NOTCH1: variants seen among roughly 807,000 people sequenced by gnomAD.
NOTCH1 encodes the protein neurogenic locus notch homolog protein 1.
Under a neutral mutation model 254.8 loss-of-function variants are expected in NOTCH1, and 37 were observed. The ratio of observed to expected loss-of-function variants is 0.15; its 90% CI spans 0.11 to 0.19. NOTCH1 has a LOEUF of 0.19. Ranked by LOEUF, NOTCH1 falls within the 10% of genes least tolerant of loss-of-function variation. NOTCH1 has a pLI of 1.00. For missense variants in NOTCH1, 2,972 were observed against 3,708.6 expected (o/e 0.80, Z 5.16); for synonymous variants, 1,731 against 1,618.1 (o/e 1.07, Z -1.68).
chr9:136,518,542 C>T (rs2133370367), intron 6 of NOTCH1, 49 bp downstream of exon 6: 1 of 1,533,388 alleles, frequency 6.5e-7, no homozygotes, highest in Non-Finnish European at 8.9e-7. Context: ...ACAGCTCAGG[C>T]CTGGCCCATG....
chr9:136,529,617 A>G (rs1246092291), intron 2 of NOTCH1, among the ~76,000 whole-genome samples: 1 of 152,360 alleles, frequency 6.6e-6, no homozygotes, highest in African/African-American at 2.4e-5. Context: ...ACAAAGAGCT[A>G]TAGCAAGGAA....
intron 9 of NOTCH1, among the ~76,000 whole-genome samples, chr9:136,516,528 C>A (rs146240760): frequency 6.6e-6 from 1 of 152,234 alleles, no homozygotes; most frequent in Non-Finnish European, 1.5e-5. Flanking sequence ...AAGTCCGCCC[C>A]GGGCAGCCAT....
intron 2 of NOTCH1, among the ~76,000 whole-genome samples, chr9:136,528,375 AGGATGGGCAGGGACAGTGGGGGG>A (rs1843502129): frequency 1.7e-3 from 1 of 604 alleles, no homozygotes; most frequent in African/African-American, 6.7e-3. Context: ...TCCCAAGGCA[AGGATGGGCAGGGACAGTGGGGGG>A]GGATGGGCAG....
chr9:136,522,499 ACGCCC>A, intron 4 of NOTCH1: 3 of 299,252 alleles, frequency 1.0e-5, no homozygotes, highest in Admixed American at 9.7e-5. Flanking sequence ...CGCAGCTCCC[ACGCCC>A]TCTCCGGCCC....
intron 7 of NOTCH1, 68 bp downstream of exon 7, chr9:136,518,069 G>T: frequency 2.6e-6 from 4 of 1,551,730 alleles, no homozygotes; most frequent in South Asian, 1.2e-5. Context: ...AGCCAGAATC[G>T]ACTTCTCATC....
At chr9:136,518,426 T>C in intron 6 of NOTCH1, 134 bp from the exon 7 acceptor site, 1 of 1,289,968 alleles carries the variant, frequency 7.8e-7, no homozygotes, top group Non-Finnish European at 1.1e-6. Flanking sequence ...CCCGTGACAC[T>C]TGGGACGTTC....
In NOTCH1 at chr9:136,522,194, G is replaced by A. The variant is rs868037756; in HGVS notation, c.742+656C>T. Among the ~76,000 whole-genome samples, 19 of 152,218 alleles carry A rather than the reference G, an allele frequency of 1.2e-4. No homozygotes were observed. The Middle Eastern group carries it at 0.01, about 82-fold the overall frequency. ...GGGTTTCGCCGTGTTAGCCAGGATGGTCTCCATCTCCTGACCTTGTGATCT... is the reference window on the plus strand; with the variant it reads ...GGGTTTCGCCGTGTTAGCCAGGATGATCTCCATCTCCTGACCTTGTGATCT... On this transcript the variant is annotated intron_variant, in intron 4 of 33. Coordinates refer to ENST00000651671, the MANE Select transcript of NOTCH1 (RefSeq NM_017617.5).
rs762733162 is a variant in NOTCH1 at position 136,505,759 on chromosome 9, C to T, written c.4137G>A (p.Thr1379=). ...TGGCCGGGAACTGGCATTCGGGGCC[C>T]GTGAAGGGGCCCAGGCACAGGCAGG... is the stretch of plus-strand genomic sequence containing the variant. ...SPTCLCLGPF[T]GPECQFPASS... Residue 1379 remains threonine, a synonymous_variant, in exon 25 of 34, where the codon ACG becomes ACA. Coordinates refer to ENST00000651671, the MANE Select transcript of NOTCH1 (RefSeq NM_017617.5). 8.2e-6 allele frequency: 13 copies of T among 1,585,514 alleles called. No individual in the cohort carries two copies. In the Admixed American group the frequency reaches 8.7e-5, roughly 11 times the overall value.
intron 29 of NOTCH1, 33 bp downstream of exon 29, chr9:136,501,968 G>T: frequency 6.2e-7 from 1 of 1,611,670 alleles, no homozygotes. Context: ...CAGGTGCCCG[G>T]GAGCCCAGGA....
intron 2 of NOTCH1, among the ~76,000 whole-genome samples, chr9:136,528,878 G>T (rs1263921813): frequency 6.6e-6 from 1 of 152,154 alleles, no homozygotes; most frequent in East Asian, 1.9e-4. Flanking sequence ...GCTGCTCCCA[G>T]GGAGCCCGTG....
intron 2 of NOTCH1, among the ~76,000 whole-genome samples, chr9:136,537,257 G>T (rs1053435554): frequency 1.2e-4 from 19 of 152,224 alleles, no homozygotes; most frequent in Non-Finnish European, 1.8e-4. Flanking sequence ...AGTCCCTGAT[G>T]CTTCTGGAGG....
intron 17 of NOTCH1, among the ~76,000 whole-genome samples, chr9:136,510,307 T>C (rs1843158189): frequency 2.0e-5 from 3 of 152,052 alleles, no homozygotes; most frequent in Admixed American, 2.0e-4. Context: ...AACCTCAACC[T>C]CTGTGAAGCA....
intron 2 of NOTCH1, among the ~76,000 whole-genome samples, chr9:136,529,876 G>A (rs1235977446): frequency 2.0e-5 from 3 of 152,240 alleles, no homozygotes; most frequent in Non-Finnish European, 2.9e-5. Flanking sequence ...ACAAAACCAC[G>A]AGATTGGGGG....
chr9:136,533,008 C>G (rs564263753), intron 2 of NOTCH1, among the ~76,000 whole-genome samples: 1 of 152,242 alleles, frequency 6.6e-6, no homozygotes, highest in Non-Finnish European at 1.5e-5. Context: ...CACCAGAGAG[C>G]TGCAGAGCTC....
rs1171227539 is a variant in NOTCH1, at chr9:136,506,298, T to C, written c.4014+229A>G. ...CAAGCTGCTAACCAGGGGAACTGCG[T>C]GCAGGGGACAGCCACCCCAGGGAGT... On this transcript the variant is annotated intron_variant, in intron 24 of 33. Coordinates refer to ENST00000651671, the MANE Select transcript of NOTCH1 (RefSeq NM_017617.5). This position sits in a 1 kb window ranked among gnomAD's most constrained non-coding sequence, Gnocchi z 4.5. 6.6e-6 allele frequency among the ~76,000 whole-genome samples: 1 copy of C among 151,924 alleles called. No individual in the cohort carries two copies. The highest frequency in any genetic ancestry group is 1.5e-5 in the Non-Finnish European group (1 of 68,010).
At position 136,513,324 on chromosome 9, in the gene NOTCH1, A is replaced by G. The variant is rs1843212405; in HGVS notation, c.2353+68T>C. On this transcript the variant is annotated intron_variant, in intron 14 of 33. Coordinates refer to ENST00000651671, the MANE Select transcript of NOTCH1 (RefSeq NM_017617.5). The surrounding 1 kb of genome is among the most constrained non-coding windows in gnomAD (Gnocchi z 4.7). Reference sequence around the variant, plus strand: ...TGGTGCTGGCTGGACCTGGGTCCCGATCCTGTGTCTCCAGCTCCCCAGACT... The same window carrying G: ...TGGTGCTGGCTGGACCTGGGTCCCGGTCCTGTGTCTCCAGCTCCCCAGACT... 7 of 1,607,572 alleles carry G rather than the reference A, an allele frequency of 4.4e-6. No individual in the cohort carries two copies. The highest frequency in any genetic ancestry group is 5.1e-6 in the Non-Finnish European group (6 of 1,177,562).
At chr9:136,529,859 T>C (rs570324248) in intron 2 of NOTCH1, among the ~76,000 whole-genome samples, 26 of 152,204 alleles carry the variant, frequency 1.7e-4, no homozygotes, top group African/African-American at 4.6e-4. Context: ...CTGTTCACCG[T>C]TGGAGCACAA....
chr9:136,505,911 G>C lies in NOTCH1; in HGVS notation c.4015-30C>G, dbSNP rs765279046. On this transcript the variant is annotated intron_variant, in intron 24 of 33. Coordinates refer to ENST00000651671, the MANE Select transcript of NOTCH1 (RefSeq NM_017617.5). ...CCGAGAGGGAAGACAGGACGGTGTC[G>C]GGGTGGGCCACCCCCCGCCCCCCCG... The C allele has an allele frequency of 3.2e-6, 5 of 1,553,624 alleles. No individual in the cohort carries two copies. In the South Asian group the frequency reaches 5.8e-5, roughly 18 times the overall value.
At chr9:136,498,679 C>A (rs960089382) in intron 33 of NOTCH1, among the ~76,000 whole-genome samples, 2 of 152,226 alleles carry the variant, frequency 1.3e-5, no homozygotes, top group Non-Finnish European at 2.9e-5. Flanking sequence ...GTCCTGACAG[C>A]TGGACCTGCA....
Sources: allele counts gnomAD v4.1 joint callset (sites outside exome capture counted in the v4.1 genomes callset), GRCh38; gene constraint gnomAD v4.1.1; non-coding constraint Gnocchi (gnomAD v3.1); transcripts MANE v1.5; gene names NCBI Gene and HGNC (gene_info 2026-07-23, HGNC 2026-07-21).